RBM47: variants seen among roughly 807,000 people sequenced by gnomAD.
The protein encoded by RBM47 is RNA binding motif protein 47, also known as RNA-binding protein 47.
A neutral mutation model predicts 47.1 loss-of-function variants in RBM47; 21 were observed. The ratio of observed to expected loss-of-function variants is 0.45; its 90% confidence interval spans 0.32 to 0.64. The LOEUF (loss-of-function observed/expected upper bound fraction) is 0.64. RBM47 is among the 30% of genes least tolerant of loss of function. The pLI is 0.05. For synonymous variants in RBM47, 375 were observed against 361.7 expected, an observed-to-expected ratio of 1.04 and a Z score of -0.42; for missense variants, 708 against 870.9, an observed-to-expected ratio of 0.81 and a Z score of 2.35.
At chr4:40,437,090 A>AAAAAAAAAAAAAATATATATAT (rs1256296949) in intron 4 of RBM47, among the ~76,000 whole-genome samples, 14 of 49,762 alleles carry the variant, frequency 2.8e-4, no homozygotes, top group Non-Finnish European at 3.6e-4. Flanking sequence ...AAAAAAAAAA[A>AAAAAAAAAAAAAATATATATAT]ATATATATAT....
rs555223987 is a variant in RBM47 at position 40,607,965 on chromosome 4, C to T, written c.-240+21431G>A. ...ACTAAAATACAAAAAATTGGCCAGG[C>T]ATGGCAGCCTACACCTATAGACCCA... On this transcript the variant is annotated intron_variant, in intron 1 of 6. Transcript: ENST00000295971. Among the ~76,000 whole-genome samples, 4 of 151,974 alleles carry T rather than the reference C, an allele frequency of 2.6e-5. No homozygotes were observed. The East Asian group carries it at 7.8e-4, about 30-fold the overall frequency.
At chr4:40,541,692 G>A (rs898825810) in intron 2 of RBM47, among the ~76,000 whole-genome samples, 1 of 151,782 alleles carries the variant, frequency 6.6e-6, no homozygotes, top group Non-Finnish European at 1.5e-5. Context: ...GAGCCGAGAT[G>A]GCACCACTGC....
At chr4:40,568,641 TA>T (rs1186314703) in intron 1 of RBM47, among the ~76,000 whole-genome samples, 1 of 151,826 alleles carries the variant, frequency 6.6e-6, no homozygotes, top group Non-Finnish European at 1.5e-5. Flanking sequence ...AAGTTGATCC[TA>T]AAGAATTTTC....
chr4:40,532,457 C>T (rs1251254960), intron 2 of RBM47, among the ~76,000 whole-genome samples: 2 of 151,046 alleles, frequency 1.3e-5, no homozygotes, highest in Non-Finnish European at 2.9e-5. Flanking sequence ...GGACTACAGG[C>T]ATGTGCCACC....
chr4:40,437,807 C>A lies in RBM47; in HGVS notation c.1087G>T (p.Ala363Ser). ...TAGTCCCTGTTGGGCCCAATGAGCG[C>A]GTTGTAGGGGTAGCCGTAGTAGGCC... ...TLAYYGYPYN[A>S]LIGPNRDYFV... The change falls in exon 4 of 7, where the codon GCG becomes TCG. Residue 363 changes from alanine to serine, a missense_variant. Transcript: ENST00000295971. The A allele has an allele frequency of 6.2e-7, 1 of 1,610,530 alleles. No individual in the cohort carries two copies. Among genetic ancestry groups the A allele is most frequent in the Non-Finnish European group, 8.5e-7 (1 of 1,177,188 alleles).
chr4:40,627,382 CTT>C (rs1414339172), intron 1 of RBM47, among the ~76,000 whole-genome samples: 1 of 152,182 alleles, frequency 6.6e-6, no homozygotes, highest in Non-Finnish European at 1.5e-5. Context: ...CACAGTTTCA[CTT>C]GAGCCTGGGT....
rs149247436 is a variant in RBM47, at chr4:40,507,735, G to A, written c.-155+36687C>T. On this transcript the variant is annotated intron_variant, in intron 2 of 6. Coordinates refer to ENST00000295971, the MANE Select transcript of RBM47 (RefSeq NM_001098634.2). ...TGGGAGGCGGAGGTTGCAGTGACCC[G>A]AGATCGCGCCACTTCATTCCAGCCT... is the stretch of plus-strand genomic sequence containing the variant. Among the ~76,000 whole-genome samples the A allele has an allele frequency of 1.8e-4, 28 of 151,874 alleles. No homozygotes were observed. The East Asian group carries it at 5.0e-3, about 27-fold the overall frequency.
At chr4:40,441,047 T>C (rs1713546596) in intron 3 of RBM47, among the ~76,000 whole-genome samples, 1 of 152,170 alleles carries the variant, frequency 6.6e-6, no homozygotes, top group Admixed American at 6.5e-5. Context: ...TCTCCAGTTA[T>C]CATGAAATTT....
chr4:40,505,670 G>A (rs919404245), intron 2 of RBM47, among the ~76,000 whole-genome samples: 2 of 151,586 alleles, frequency 1.3e-5, no homozygotes, highest in Admixed American at 6.6e-5. Context: ...GGTAGATCAC[G>A]AGGTCAGGAG....
intron 2 of RBM47, among the ~76,000 whole-genome samples, chr4:40,535,532 T>G (rs1370884058): frequency 6.7e-6 from 1 of 148,792 alleles, no homozygotes; most frequent in East Asian, 2.0e-4. Context: ...CCACCACGTC[T>G]GGCTAATTTT....
chr4:40,432,183 T>C (rs1344306082), intron 6 of RBM47, among the ~76,000 whole-genome samples: 1 of 149,088 alleles, frequency 6.7e-6, no homozygotes, highest in Non-Finnish European at 1.5e-5. Flanking sequence ...ACAGATGTTC[T>C]TTCTCTCTCT....
intron 1 of RBM47, among the ~76,000 whole-genome samples, chr4:40,587,142 G>A (rs1305716004): frequency 6.6e-6 from 1 of 152,188 alleles, no homozygotes; most frequent in Non-Finnish European, 1.5e-5. Flanking sequence ...TGAAGAGGCA[G>A]GACTCTGAAC....
chr4:40,576,707 G>C (rs1397121527), intron 1 of RBM47, among the ~76,000 whole-genome samples: 1 of 152,146 alleles, frequency 6.6e-6, no homozygotes, highest in Non-Finnish European at 1.5e-5. Context: ...AGGGTGCTGG[G>C]ATTACAGGTG....
At chr4:40,522,698 C>G (rs1463720540) in intron 2 of RBM47, among the ~76,000 whole-genome samples, 1 of 151,876 alleles carries the variant, frequency 6.6e-6, no homozygotes, top group Non-Finnish European at 1.5e-5. Flanking sequence ...TAGATTGAAG[C>G]AGAAGCAAAT....
In RBM47 at chr4:40,539,739, C is replaced by CAAAAAA. The variant is rs56005602; in HGVS notation, c.-155+4677_-155+4682dup. Among the ~76,000 whole-genome samples, 33 of 56,328 alleles carry CAAAAAA rather than the reference C, an allele frequency of 5.9e-4. 3 individuals carry two copies. Among genetic ancestry groups the CAAAAAA allele is most frequent in the African/African-American group, 2.0e-3 (29 of 14,476 alleles). 37.0% of individuals were successfully genotyped at this position (56,328 alleles called of 152,430 possible). A position where few individuals can be genotyped will look rare whatever the true frequency, so the allele number is the denominator to read the frequency against. ...TGGGCGACAGAGCAAGACTCTGTCT[C>CAAAAAA]AAAAAAAAAAAAAAAAAAAAAAAAA... On this transcript the variant is annotated intron_variant, in intron 2 of 6. Transcript: ENST00000295971.
intron 3 of RBM47, chr4:40,455,598 AC>A (rs1716118256): frequency 6.6e-6 from 1 of 152,194 alleles, no homozygotes; most frequent in African/African-American, 2.4e-5. Context: ...CCCTGTCTCT[AC>A]AAAAAATACA....
chr4:40,466,417 G>A (rs1313114762), intron 3 of RBM47, among the ~76,000 whole-genome samples, 160 bp downstream of exon 3: 1 of 152,018 alleles, frequency 6.6e-6, no homozygotes, highest in East Asian at 1.9e-4. Flanking sequence ...TTATATTGAG[G>A]GTTCCAAATG....
At chr4:40,436,286 A>AG (rs1712392127) in intron 5 of RBM47, among the ~76,000 whole-genome samples, 155 bp downstream of exon 5, 1 of 152,114 alleles carries the variant, frequency 6.6e-6, no homozygotes, top group African/African-American at 2.4e-5. Context: ...AAGGAGGTCC[A>AG]GGGGGTCACT....
intron 4 of RBM47, among the ~76,000 whole-genome samples, chr4:40,437,509 C>T (rs1317067721): frequency 6.6e-6 from 1 of 152,146 alleles, no homozygotes; most frequent in African/African-American, 2.4e-5. Flanking sequence ...CGGTGGACCT[C>T]GGCAAGGAAG....
Sources: gnomAD v4.1 joint callset for allele counts (sites outside exome capture counted in the v4.1 genomes callset) on GRCh38, gnomAD v4.1.1 for gene constraint, MANE v1.5 for transcripts, NCBI Gene and HGNC (gene_info 2026-07-23, HGNC 2026-07-21) for gene names.